Variants in CLIP3 observed in about 807,000 individuals in gnomAD.
CLIP3 encodes the protein CAP-Gly domain-containing linker protein 3.
In CLIP3, 15 loss-of-function variants were observed where a neutral mutation model predicts 59.4. The observed-to-expected ratio is 0.25, with a 90% CI of 0.17 to 0.39. CLIP3 has a LOEUF of 0.39. Among genes scored for constraint, CLIP3 ranks in the 10% least tolerant of loss-of-function variants. CLIP3 has a pLI of 1.00. For missense variants in CLIP3, 495 were observed against 765.7 expected (o/e 0.65, Z 4.17); for synonymous variants, 300 against 321.6 (o/e 0.93, Z 0.72).
chr19:36,026,776 C>A lies in CLIP3; in HGVS notation c.401-29G>T, dbSNP rs752937001. On this transcript the variant is annotated intron_variant, in intron 4 of 13. Transcript: ENST00000360535. This position sits in a 1 kb window ranked among gnomAD's most constrained non-coding sequence, Gnocchi z 6.3. Reference sequence around the variant, plus strand: ...CGCGATAGGCCGGGTCAGCTTGGAACCCCCATTCCAGAGCATGGGCCCAGT... The same window carrying A: ...CGCGATAGGCCGGGTCAGCTTGGAAACCCCATTCCAGAGCATGGGCCCAGT... 3 of 1,584,556 alleles carry A rather than the reference C, an allele frequency of 1.9e-6. No individual in the cohort carries two copies. Among genetic ancestry groups the A allele is most frequent in the Non-Finnish European group, 2.6e-6 (3 of 1,171,130 alleles).
Position 36,026,321 on chromosome 19 carries a change from C to G in CLIP3, c.563-56G>C. 2 of 1,449,054 alleles carry G rather than the reference C, an allele frequency of 1.4e-6. No homozygotes were observed. Among genetic ancestry groups the G allele is most frequent in the Non-Finnish European group, 1.9e-6 (2 of 1,034,946 alleles). The allele number at this position is 1,449,054 out of a possible 1,614,324, so 89.8% of individuals were successfully genotyped here. A position where few individuals can be genotyped will look rare whatever the true frequency, so the allele number is the denominator to read the frequency against. ...TGAGCGCCTGTGGGACCCCAGCCCT[C>G]CTCCCACCTCGGGGCTCATCTCTTA... On this transcript the variant is annotated intron_variant, in intron 5 of 13. Coordinates refer to ENST00000360535, the MANE Select transcript of CLIP3 (RefSeq NM_015526.3). This position sits in a 1 kb window ranked among gnomAD's most constrained non-coding sequence, Gnocchi z 6.3.
chr19:36,017,755 C>T lies in CLIP3; in HGVS notation c.1351G>A (p.Asp451Asn). ...APGYWYGIEL[D>N]QPTGKHDGSV... ...CCATCATGCTTGCCTGTGGGCTGGT[C>T]CAGCTCAATGCCATACCAGTAACCT... is the stretch of plus-strand genomic sequence containing the variant. Residue 451 changes from aspartate (D) to asparagine (N), a missense_variant, in exon 11 of 14, where the codon GAC becomes AAC. Physicochemically the swap from Asp to Asn is conservative, Grantham distance 23. Around this residue, in one of 5 missense-constraint regions of CLIP3, gnomAD observed 179 missense variants for 226.2 expected, o/e 0.79. Transcript: ENST00000360535. The T allele has an allele frequency of 6.2e-7, 1 of 1,614,134 alleles. No individual in the cohort carries two copies. The highest frequency in any genetic ancestry group is 8.5e-7 in the Non-Finnish European group (1 of 1,180,020).
At position 36,015,045 on chromosome 19, in the gene CLIP3, G is replaced by T. The variant is rs1242434243; in HGVS notation, c.*1113C>A. 6.6e-6 allele frequency: 1 copy of T among 152,248 alleles called. No individual in the cohort carries two copies. Among genetic ancestry groups the T allele is most frequent in the African/African-American group, 2.4e-5 (1 of 41,422 alleles). 9.4% of individuals were successfully genotyped at this position (152,248 alleles called of 1,614,324 possible). The stretch of plus-strand genomic sequence containing the variant: ...TCCAGGGATGGGAATTCCTGTGTGG[G>T]GTTTCCTGGTGCCTGTGAATAGGGC... On this transcript the variant is annotated 3_prime_UTR_variant, in exon 14 of 14. Transcript: ENST00000360535.
At chr19:36,022,947 C>A (rs1278497561) in intron 7 of CLIP3, among the ~76,000 whole-genome samples, 1 of 151,942 alleles carries the variant, frequency 6.6e-6, no homozygotes, top group African/African-American at 2.4e-5. Flanking sequence ...CCCAGCTACT[C>A]GGGAGGCTGA....
chr19:36,017,193 C>T (rs1287485056), intron 12 of CLIP3, among the ~76,000 whole-genome samples, 193 bp downstream of exon 12: 2 of 152,136 alleles, frequency 1.3e-5, no homozygotes, highest in Admixed American at 6.5e-5. Flanking sequence ...CTCATGTCCC[C>T]GAAGAGCCTT....
At position 36,018,912 on chromosome 19, in the gene CLIP3, C is replaced by G; in HGVS notation, c.1169G>C (p.Arg390Pro). 6.2e-7 allele frequency: 1 copy of G among 1,613,364 alleles called. No individual in the cohort carries two copies. Among genetic ancestry groups the G allele is most frequent in the Non-Finnish European group, 8.5e-7 (1 of 1,179,658 alleles). The change falls in exon 9 of 14, where the codon CGC (arginine) becomes CCC (proline). Residue 390 changes from arginine to proline, a missense_variant. Arg to Pro is a moderately radical substitution (Grantham distance 103). This residue lies in a region of CLIP3 where 179 missense variants were observed against 226.2 expected (regional missense o/e 0.79). Transcript: ENST00000360535. ...MDFSRVTGKG[R>P]REHKGKKKTP... ...CCCTCTCTGACCTTTGTGTTCCCTG[C>G]GGCCTTTGCCGGTGACACGGGAGAA... is the stretch of plus-strand genomic sequence containing the variant.
intron 7 of CLIP3, 38 bp downstream of exon 7, chr19:36,024,358 C>T (rs1969036931): frequency 3.2e-6 from 5 of 1,562,204 alleles, no homozygotes; most frequent in African/African-American, 2.7e-5. Flanking sequence ...TGAGTCCCAC[C>T]CCCACCCACC....
intron 2 of CLIP3, 83 bp from the exon 3 acceptor site, chr19:36,027,354 C>A: frequency 6.9e-7 from 1 of 1,446,590 alleles, no homozygotes; most frequent in South Asian, 1.4e-5. Context: ...AGGTCTTTGC[C>A]TTTTAGAGCC....
At position 36,024,566 on chromosome 19, in the gene CLIP3, C is replaced by T. The variant is rs1211137414; in HGVS notation, c.748G>A (p.Glu250Lys). The change falls in exon 7 of 14, where the codon GAG (glutamate) becomes AAG (lysine). Residue 250 changes from glutamate (E) to lysine (K), a missense_variant. Glu to Lys is a moderately conservative substitution (Grantham distance 56). Around this residue, in one of 5 missense-constraint regions of CLIP3, gnomAD observed 194 missense variants for 327.8 expected, o/e 0.59. Transcript: ENST00000360535. ...DPMDMSLDKAEAALVAKELRT... is the reference protein window; with the variant it reads ...DPMDMSLDKAKAALVAKELRT... ...AGCTCCTTGGCCACCAGTGCCGCCTCTGCCTTGTCCAGGGACATGTCCATA... is the reference window on the plus strand; with the variant it reads ...AGCTCCTTGGCCACCAGTGCCGCCTTTGCCTTGTCCAGGGACATGTCCATA... 1 of 1,614,274 alleles carries T rather than the reference C, an allele frequency of 6.2e-7. No homozygotes were observed. Among genetic ancestry groups the T allele is most frequent in the South Asian group, 1.1e-5 (1 of 91,092 alleles).
chr19:36,032,526 T>C lies in CLIP3; in HGVS notation c.-58-111A>G, dbSNP rs916693984. 4 of 396,828 alleles carry C rather than the reference T, an allele frequency of 1.0e-5. No homozygotes were observed. The highest frequency in any genetic ancestry group is 3.6e-5 in the East Asian group (1 of 27,902). The allele number at this position is 396,828 out of a possible 1,614,324, so 24.6% of individuals were successfully genotyped here. A position where few individuals can be genotyped will look rare whatever the true frequency, so the allele number is the denominator to read the frequency against. On this transcript the variant is annotated intron_variant, in intron 1 of 13. Coordinates refer to ENST00000360535, the MANE Select transcript of CLIP3 (RefSeq NM_015526.3). This position sits in a 1 kb window ranked among gnomAD's most constrained non-coding sequence, Gnocchi z 4.3. Reference sequence around the variant, plus strand: ...CGCGCAACTGGATCTTGGGCAACCATAGGGACCCCCGTTACCCATAGAGGG... The same window carrying C: ...CGCGCAACTGGATCTTGGGCAACCACAGGGACCCCCGTTACCCATAGAGGG...
rs1459529007 is a variant in CLIP3 at position 36,030,500 on chromosome 19, C to T, written c.166+1692G>A. On this transcript the variant is annotated intron_variant, in intron 2 of 13. Coordinates refer to ENST00000360535, the MANE Select transcript of CLIP3 (RefSeq NM_015526.3). The stretch of plus-strand genomic sequence containing the variant: ...CCTGGTTTCTGAACCTCACAGCTGC[C>T]GGGGATTCCCAGCCTGCATATCTTC... 3.3e-5 allele frequency among the ~76,000 whole-genome samples: 5 copies of T among 152,158 alleles called. No homozygotes were observed. In the East Asian group the frequency reaches 5.8e-4, roughly 18 times the overall value.
intron 7 of CLIP3, among the ~76,000 whole-genome samples, chr19:36,020,589 A>G (rs545584473): frequency 6.6e-6 from 1 of 152,270 alleles, no homozygotes; most frequent in Non-Finnish European, 1.5e-5. Context: ...ACAGAGCAAG[A>G]CTCTGTCTCA....
chr19:36,027,328 T>C (rs1969141170), intron 2 of CLIP3, 57 bp from the exon 3 acceptor site: 3 of 1,533,388 alleles, frequency 2.0e-6, no homozygotes, highest in Non-Finnish European at 2.6e-6. Context: ...CCTTCCAGCC[T>C]CAGTAGGGGA....
In CLIP3 at chr19:36,025,447, C is replaced by T. The variant is rs552955321; in HGVS notation, c.681+700G>A. Among the ~76,000 whole-genome samples, 15 of 151,940 alleles carry T rather than the reference C, an allele frequency of 9.9e-5. No individual in the cohort carries two copies. In the South Asian group the frequency reaches 1.0e-3, roughly 11 times the overall value. ...CTCTACTAAAAATACAAAAATTAGC[C>T]GGGTGTGGTGGCGCATGCCTATAAT... On this transcript the variant is annotated intron_variant, in intron 6 of 13. Transcript: ENST00000360535.
chr19:36,023,565 C>T (rs1969009695), intron 7 of CLIP3, among the ~76,000 whole-genome samples: 1 of 151,648 alleles, frequency 6.6e-6, no homozygotes, highest in Non-Finnish European at 1.5e-5. Flanking sequence ...CCAGAAATTA[C>T]CTTTTTTTTT....
At chr19:36,024,698 G>C in intron 6 of CLIP3, 66 bp from the exon 7 acceptor site, 1 of 1,465,692 alleles carries the variant, frequency 6.8e-7, no homozygotes, top group Non-Finnish European at 9.4e-7. Flanking sequence ...TGGAGGCCCT[G>C]CCCCTAGAGA....
chr19:36,031,955 T>A lies in CLIP3; in HGVS notation c.166+237A>T, dbSNP rs138577636. ...TCCACAGCCGCTTTCAAAAAATGATTGTTGAATGACTAAATGATGGAATGA... is the reference window on the plus strand; with the variant it reads ...TCCACAGCCGCTTTCAAAAAATGATAGTTGAATGACTAAATGATGGAATGA... On this transcript the variant is annotated intron_variant, in intron 2 of 13. Transcript: ENST00000360535. Among the ~76,000 whole-genome samples the A allele has an allele frequency of 9.8e-4, 150 of 152,306 alleles. 3 individuals carry two copies. The East Asian group carries it at 0.027, about 27-fold the overall frequency.
rs775337058 is a variant in CLIP3 at position 36,026,680 on chromosome 19, G to C, written c.468C>G (p.Arg156=). 9.9e-6 allele frequency: 16 copies of C among 1,610,504 alleles called. No individual in the cohort carries two copies. The highest frequency in any genetic ancestry group is 1.3e-5 in the Non-Finnish European group (15 of 1,179,092). Residue 156 remains arginine, a synonymous_variant, in exon 5 of 14, where the codon CGC becomes CGG. Coordinates refer to ENST00000360535, the MANE Select transcript of CLIP3 (RefSeq NM_015526.3). This position sits in a 1 kb window ranked among gnomAD's most constrained non-coding sequence, Gnocchi z 6.3. ...LLALGADVTL[R]SRWTNMNALH... Reference sequence around the variant, plus strand: ...GCGCGTTCATGTTGGTCCAGCGGCTGCGCAGCGTCACATCTGCGCCCAGCG... The same window carrying C: ...GCGCGTTCATGTTGGTCCAGCGGCTCCGCAGCGTCACATCTGCGCCCAGCG...
intron 7 of CLIP3, among the ~76,000 whole-genome samples, chr19:36,019,876 C>T (rs8102183): frequency 1 from 151,797 of 151,800 alleles, 75,897 homozygotes; most frequent in Middle Eastern, 1. Context: ...GTGCTGGGAT[C>T]ACAGGCATGA....
Sources: gnomAD v4.1 joint callset for allele counts (sites outside exome capture counted in the v4.1 genomes callset) on GRCh38, gnomAD v4.1.1 for gene constraint, gnomAD v4.1.1 regional missense constraint, Gnocchi (gnomAD v3.1) non-coding constraint, MANE v1.5 for transcripts, NCBI Gene and HGNC (gene_info 2026-07-23, HGNC 2026-07-21) for gene names.